ACSM2B: variants seen among roughly 807,000 people sequenced by gnomAD.
ACSM2B encodes acyl-coenzyme A synthetase ACSM2B, mitochondrial.
ACSM2B carries 58 observed loss-of-function variants against 78.6 expected under a neutral mutation model. The observed-to-expected ratio is 0.74, with a 90% confidence interval of 0.60 to 0.92. The LOEUF is 0.92. Among genes scored for constraint, ACSM2B ranks in the 40% least tolerant of loss-of-function variants. The pLI is 0.00. For synonymous variants in ACSM2B, 257 were observed against 256.8 expected (o/e 1.00, Z -0.01); for missense variants, 688 against 711.2 (o/e 0.97, Z 0.37).
rs541021739 is a variant in ACSM2B at position 20,551,276 on chromosome 16, G to C, written c.894+868C>G. Among the ~76,000 whole-genome samples the C allele has an allele frequency of 1.1e-4, 16 of 152,178 alleles. 1 individual carries two copies. In the East Asian group the frequency reaches 3.1e-3, roughly 29 times the overall value. On this transcript the variant is annotated intron_variant, in intron 6 of 13. Coordinates refer to ENST00000329697, the MANE Select transcript of ACSM2B (RefSeq NM_001105069.2). ...TCTGGTGGTGTTTACAGGGGTGTCTGATATGAATTGGATGTTGTGTCCCCA... is the reference window on the plus strand; with the variant it reads ...TCTGGTGGTGTTTACAGGGGTGTCTCATATGAATTGGATGTTGTGTCCCCA...
rs754792708 is a variant in ACSM2B, at chr16:20,548,434, G to A, written c.934C>T (p.Pro312Ser). ...SYPIKSMMGA[P>S]IVYRMLLQQD... is the part of the protein sequence containing the mutation. ...TGTAGCAACATCCGGTAAACAATAG[G>A]GGCACCCATCATACTCTTGATTGGA... The change falls in exon 7 of 14, where the codon CCT becomes TCT. Residue 312 changes from proline to serine, a missense_variant. By Grantham distance (74) the Pro-to-Ser change is moderately conservative. Transcript: ENST00000329697. The A allele has an allele frequency of 9.3e-6, 15 of 1,613,454 alleles. No homozygotes were observed. In the South Asian group the frequency reaches 1.4e-4, roughly 15 times the overall value.
chr16:20,538,340 G>A (rs2014899169), intron 13 of ACSM2B, among the ~76,000 whole-genome samples: 1 of 152,164 alleles, frequency 6.6e-6, no homozygotes, highest in Non-Finnish European at 1.5e-5. Context: ...TGTCAATAAA[G>A]TTTAATTGAA....
chr16:20,565,787 C>T (rs1401746161), intron 1 of ACSM2B, among the ~76,000 whole-genome samples: 1 of 152,002 alleles, frequency 6.6e-6, no homozygotes, highest in African/African-American at 2.4e-5. Flanking sequence ...ACACTTAACC[C>T]ACTTTGTACC....
At chr16:20,552,046 A>G in intron 6 of ACSM2B, 98 bp downstream of exon 6, 1 of 1,520,322 alleles carries the variant, frequency 6.6e-7, no homozygotes, top group Non-Finnish European at 8.8e-7. Context: ...GCAGAGGTTT[A>G]GCAAAAATTA....
At chr16:20,557,395 T>C (rs2015507107) in intron 3 of ACSM2B, among the ~76,000 whole-genome samples, 1 of 147,650 alleles carries the variant, frequency 6.8e-6, no homozygotes, top group Non-Finnish European at 1.5e-5. Context: ...TGAATAACCC[T>C]GTTATTAGTT....
chr16:20,545,020 T>G (rs2015093885), intron 10 of ACSM2B, 137 bp downstream of exon 10: 1 of 1,230,970 alleles, frequency 8.1e-7, no homozygotes, highest in African/African-American at 1.5e-5. Context: ...TGGCAAAGCA[T>G]ACATTCTTGA....
chr16:20,537,432 T>C, intron 13 of ACSM2B, 70 bp from the exon 14 acceptor site: 7 of 1,561,680 alleles, frequency 4.5e-6, no homozygotes, highest in Admixed American at 3.4e-5. Context: ...TCAGAACTGC[T>C]GTAGGGTGAG....
At chr16:20,547,312 C>A in intron 8 of ACSM2B, 2 of 985,390 alleles carry the variant, frequency 2.0e-6, no homozygotes, top group Non-Finnish European at 2.4e-6. Flanking sequence ...TGTCCTTATT[C>A]ATATTTGCAG....
chr16:20,555,919 T>C (rs563775156), intron 3 of ACSM2B, among the ~76,000 whole-genome samples: 1 of 152,280 alleles, frequency 6.6e-6, no homozygotes, highest in South Asian at 2.1e-4. Context: ...CCCTGGGACA[T>C]TAAATGCATT....
chr16:20,551,528 A>G (rs903512788), intron 6 of ACSM2B, among the ~76,000 whole-genome samples: 14 of 152,064 alleles, frequency 9.2e-5, no homozygotes, highest in Admixed American at 9.2e-4. Flanking sequence ...CAGGAATCCA[A>G]TTATGCTGGC....
At chr16:20,551,985 C>T (rs571024182) in intron 6 of ACSM2B, among the ~76,000 whole-genome samples, 159 bp downstream of exon 6, 12 of 152,136 alleles carry the variant, frequency 7.9e-5, no homozygotes, top group South Asian at 4.1e-4. Flanking sequence ...ATGAGCTCTG[C>T]GAGGTCAGGG....
chr16:20,567,774 A>C (rs1168066855), intron 1 of ACSM2B, among the ~76,000 whole-genome samples: 1 of 140,690 alleles, frequency 7.1e-6, no homozygotes, highest in Non-Finnish European at 1.5e-5. Flanking sequence ...ATACAGATAT[A>C]TATAATATAT....
intron 1 of ACSM2B, among the ~76,000 whole-genome samples, chr16:20,566,114 A>AT (rs2015819809): frequency 8.7e-6 from 1 of 114,336 alleles, no homozygotes; most frequent in African/African-American, 4.4e-5. Context: ...TCGAAAAAAT[A>AT]TAAAAATTCT....
At chr16:20,553,688 G>T in intron 5 of ACSM2B, 89 bp downstream of exon 5, 2 of 1,527,146 alleles carry the variant, frequency 1.3e-6, no homozygotes, top group South Asian at 2.6e-5. Flanking sequence ...ACAAGGTGGT[G>T]ACACAGCCCA....
At chr16:20,575,334 TGA>T (rs761150217) in intron 1 of ACSM2B, 5 of 151,872 alleles carry the variant, frequency 3.3e-5, no homozygotes, top group African/African-American at 1.2e-4. Flanking sequence ...AGTATATATA[TGA>T]GTTTACTAAG....
intron 2 of ACSM2B, among the ~76,000 whole-genome samples, chr16:20,564,430 CTG>C (rs1243877289): frequency 6.6e-6 from 1 of 152,144 alleles, no homozygotes; most frequent in Non-Finnish European, 1.5e-5. Context: ...TGTAAACAAA[CTG>C]TGTGTTGGCT....
chr16:20,566,725 C>CTATATATACAG lies in ACSM2B; in HGVS notation c.-8-1873_-8-1872insCTGTATATATA, dbSNP rs1567218549. Among the ~76,000 whole-genome samples the CTATATATACAG allele has an allele frequency of 0.019, 430 of 22,204 alleles. 67 individuals carry two copies. In the East Asian group the frequency reaches 0.21, roughly 11 times the overall value. The allele number at this position is 22,204 out of a possible 152,430, so 14.6% of individuals were successfully genotyped here. The stretch of plus-strand genomic sequence containing the variant: ...ATATATATAGTATATATAGTATATA[C>CTATATATACAG]TATATATAGTATATACTATATATAC... On this transcript the variant is annotated intron_variant, in intron 1 of 13. Coordinates refer to ENST00000329697, the MANE Select transcript of ACSM2B (RefSeq NM_001105069.2).
At chr16:20,565,131 G>C (rs994167947) in intron 1 of ACSM2B, among the ~76,000 whole-genome samples, 3 of 152,078 alleles carry the variant, frequency 2.0e-5, no homozygotes, top group African/African-American at 7.2e-5. Context: ...AAATCCCCTT[G>C]TGCTTAAAAT....
intron 5 of ACSM2B, among the ~76,000 whole-genome samples, chr16:20,553,327 G>A (rs1219911242): frequency 2.0e-5 from 3 of 152,144 alleles, no homozygotes; most frequent in Non-Finnish European, 4.4e-5. Flanking sequence ...CAACTATGGG[G>A]TCTGTGATCC....
Sources: allele counts gnomAD v4.1 joint callset (sites outside exome capture counted in the v4.1 genomes callset), GRCh38; gene constraint gnomAD v4.1.1; transcripts MANE v1.5; gene names NCBI Gene and HGNC (gene_info 2026-07-23, HGNC 2026-07-21).